The following CNTN4 variants were observed in gnomAD, a reference collection of about 807,000 sequenced individuals.
The protein encoded by CNTN4 is contactin-4.
A neutral mutation model predicts 122.5 loss-of-function variants in CNTN4; 77 were observed. That is an observed-to-expected ratio of 0.63 (90% confidence interval 0.52 to 0.76). The LOEUF (loss-of-function observed/expected upper bound fraction) is 0.76, where lower values mean the gene tolerates loss of function less well. Among genes scored for constraint, CNTN4 ranks in the 30% least tolerant of loss-of-function variants. The pLI is 0.00. For missense variants in CNTN4, 1,256 were observed against 1,259.1 expected, an observed-to-expected ratio of 1.00 and a Z score of 0.04; for synonymous variants, 512 against 447.0, an observed-to-expected ratio of 1.15 and a Z score of -1.83.
In CNTN4 at chr3:2,611,992, A is replaced by G. The variant is rs1350498746; in HGVS notation, c.55+40434A>G. Among the ~76,000 whole-genome samples, 6 of 114,700 alleles carry G rather than the reference A, an allele frequency of 5.2e-5. No individual in the cohort carries two copies. The East Asian group carries it at 1.2e-3, about 23-fold the overall frequency. 75.2% of individuals were successfully genotyped at this position (114,700 alleles called of 152,430 possible). A position where few individuals can be genotyped will look rare whatever the true frequency, so the allele number is the denominator to read the frequency against. On this transcript the variant is annotated intron_variant, in intron 4 of 24. Coordinates refer to ENST00000418658, the MANE Select transcript of CNTN4 (RefSeq NM_175607.3). ...GAGCTTTATAAAGCTGCATTCATGA[A>G]GATTCTTACAAAATATTCTCAGGTG...
Position 2,781,928 on chromosome 3 carries a change from T to G in CNTN4, c.358+36231T>G, listed in dbSNP as rs566703380. ...TTAGTAGAGACGGGGCTTCACCGTG[T>G]TAGCCAGGATGGTCTCGATCTCCTG... On this transcript the variant is annotated intron_variant, in intron 6 of 24. Coordinates refer to ENST00000418658, the MANE Select transcript of CNTN4 (RefSeq NM_175607.3). Among the ~76,000 whole-genome samples, 84 of 147,058 alleles carry G rather than the reference T, an allele frequency of 5.7e-4. 1 individual carries two copies. The highest frequency in any genetic ancestry group is 2.0e-3 in the African/African-American group (81 of 39,742).
chr3:2,770,842 G>A (rs538532442), intron 6 of CNTN4, among the ~76,000 whole-genome samples: 3 of 152,336 alleles, frequency 2.0e-5, no homozygotes, highest in Non-Finnish European at 2.9e-5. Flanking sequence ...CAGGGGCTCT[G>A]CTACCAAGCA....
chr3:2,115,428 A>G (rs1205369652), intron 2 of CNTN4, among the ~76,000 whole-genome samples: 1 of 152,214 alleles, frequency 6.6e-6, no homozygotes, highest in African/African-American at 2.4e-5. Context: ...CCAAGGAACT[A>G]TAAAGAGAAA....
At chr3:2,951,371 G>A (rs2094742258) in intron 13 of CNTN4, among the ~76,000 whole-genome samples, 1 of 152,106 alleles carries the variant, frequency 6.6e-6, no homozygotes, top group African/African-American at 2.4e-5. Flanking sequence ...TCACAATAGG[G>A]TTCAGGTCCT....
chr3:2,823,721 AC>A (rs1244966307), intron 7 of CNTN4, among the ~76,000 whole-genome samples: 2 of 152,166 alleles, frequency 1.3e-5, no homozygotes, highest in African/African-American at 4.8e-5. Flanking sequence ...GAACAGAGGA[AC>A]TTTGAGATTC....
At chr3:2,125,315 G>C (rs1477286970) in intron 2 of CNTN4, among the ~76,000 whole-genome samples, 1 of 130,448 alleles carries the variant, frequency 7.7e-6, no homozygotes, top group East Asian at 2.2e-4. Context: ...TCAAGGCTGA[G>C]TAACATTCTA....
At chr3:2,988,077 C>A (rs1694741536) in intron 13 of CNTN4, among the ~76,000 whole-genome samples, 1 of 152,130 alleles carries the variant, frequency 6.6e-6, no homozygotes, top group African/African-American at 2.4e-5. Flanking sequence ...ATCGTTACAA[C>A]CTGTCTAATA....
At chr3:2,757,973 A>G (rs1315845714) in intron 6 of CNTN4, among the ~76,000 whole-genome samples, 2 of 152,194 alleles carry the variant, frequency 1.3e-5, no homozygotes, top group African/African-American at 4.8e-5. Context: ...TTGCATTGTT[A>G]TCTGTCATTA....
intron 7 of CNTN4, among the ~76,000 whole-genome samples, chr3:2,824,952 T>C (rs1040610997): frequency 6.6e-6 from 1 of 151,980 alleles, no homozygotes; most frequent in Non-Finnish European, 1.5e-5. Flanking sequence ...CGTGAGCCAC[T>C]GCACTGGCCA....
chr3:2,213,668 C>T (rs769822309), intron 2 of CNTN4, among the ~76,000 whole-genome samples: 35 of 152,246 alleles, frequency 2.3e-4, no homozygotes, highest in Non-Finnish European at 3.5e-4. Flanking sequence ...CATTGGTGTT[C>T]GCAAATGCCA....
chr3:2,783,685 G>A (rs1387193975), intron 6 of CNTN4, among the ~76,000 whole-genome samples: 1 of 152,128 alleles, frequency 6.6e-6, no homozygotes, highest in African/African-American at 2.4e-5. Flanking sequence ...GAAAAATCTC[G>A]AACAAATTTC....
intron 2 of CNTN4, among the ~76,000 whole-genome samples, chr3:2,276,241 T>C (rs747538513): frequency 4.6e-5 from 7 of 152,046 alleles, no homozygotes; most frequent in African/African-American, 1.7e-4. Flanking sequence ...GGCACCATCT[T>C]GGCTCACTGC....
Position 2,780,650 on chromosome 3 carries a change from A to G in CNTN4, c.358+34953A>G, listed in dbSNP as rs1419481401. Reference sequence around the variant, plus strand: ...ATATGCAATCACGCTAGCCTACCTCACTCATCTAACTTTTGTTTCTGACCC... The same window carrying G: ...ATATGCAATCACGCTAGCCTACCTCGCTCATCTAACTTTTGTTTCTGACCC... On this transcript the variant is annotated intron_variant, in intron 6 of 24. Coordinates refer to ENST00000418658, the MANE Select transcript of CNTN4 (RefSeq NM_175607.3). 2.6e-5 allele frequency among the ~76,000 whole-genome samples: 4 copies of G among 151,930 alleles called. No homozygotes were observed. In the East Asian group the frequency reaches 5.8e-4, roughly 22 times the overall value.
At chr3:2,159,428 C>G (rs2035863614) in intron 2 of CNTN4, among the ~76,000 whole-genome samples, 1 of 152,028 alleles carries the variant, frequency 6.6e-6, no homozygotes, top group Non-Finnish European at 1.5e-5. Flanking sequence ...TCAAGCTTTT[C>G]AAAAGGTGAC....
At chr3:2,941,210 T>C (rs1351528325) in intron 13 of CNTN4, among the ~76,000 whole-genome samples, 1 of 152,182 alleles carries the variant, frequency 6.6e-6, no homozygotes, top group Non-Finnish European at 1.5e-5. Flanking sequence ...TCCCTTTTCT[T>C]ACTGTTCCTA....
chr3:2,114,396 G>T (rs2033190452), intron 2 of CNTN4, among the ~76,000 whole-genome samples: 1 of 152,144 alleles, frequency 6.6e-6, no homozygotes, highest in Non-Finnish European at 1.5e-5. Context: ...GGAAGTTGAG[G>T]CTACAGTGTG....
intron 8 of CNTN4, among the ~76,000 whole-genome samples, chr3:2,872,980 T>A (rs1358801837): frequency 6.6e-6 from 1 of 152,188 alleles, no homozygotes; most frequent in East Asian, 1.9e-4. Context: ...AAGAGCAGCA[T>A]TGAAGTATTT....
At chr3:2,584,446 G>C (rs567092279) in intron 4 of CNTN4, among the ~76,000 whole-genome samples, 1 of 152,116 alleles carries the variant, frequency 6.6e-6, no homozygotes, top group Non-Finnish European at 1.5e-5. Context: ...GCTCGTGCCT[G>C]TAATTCCAGC....
intron 12 of CNTN4, among the ~76,000 whole-genome samples, chr3:2,909,371 G>A (rs901863675): frequency 4.6e-5 from 7 of 151,894 alleles, no homozygotes; most frequent in Non-Finnish European, 7.4e-5. Flanking sequence ...AGAATTACAC[G>A]TGAAAGCCTT....
Sources: gnomAD v4.1 joint callset for allele counts (sites outside exome capture counted in the v4.1 genomes callset) on GRCh38, gnomAD v4.1.1 for gene constraint, MANE v1.5 for transcripts, NCBI Gene and HGNC (gene_info 2026-07-23, HGNC 2026-07-21) for gene names.